The following HTR2C variants were observed in gnomAD, a reference collection of about 807,000 sequenced individuals.
HTR2C encodes 5-hydroxytryptamine (serotonin) receptor 2C, G protein-coupled.
HTR2C carries 5 observed loss-of-function variants against 21.0 expected under a neutral mutation model. The observed-to-expected ratio is 0.24, with a 90% CI of 0.12 to 0.50. HTR2C has a LOEUF of 0.50. Among genes scored for constraint, HTR2C ranks in the 20% least tolerant of loss-of-function variants. HTR2C has a pLI of 0.98. For synonymous variants in HTR2C, 150 were observed against 145.3 expected (o/e 1.03, Z -0.23); for missense variants, 271 against 371.2 (o/e 0.73, Z 2.22).
At chrX:114,641,882 C>T (rs1299481890) in intron 2 of HTR2C, among the ~76,000 whole-genome samples, 1 of 111,048 alleles carries the variant, frequency 9.0e-6, no homozygotes, top group East Asian at 2.8e-4. Flanking sequence ...TCTTGATGCT[C>T]TCCCTCCCCT....
At chrX:114,679,863 G>A (rs1329515889) in intron 2 of HTR2C, among the ~76,000 whole-genome samples, 8 of 111,776 alleles carry the variant, frequency 7.2e-5, no homozygotes, top group African/African-American at 2.6e-4. Context: ...AGGATATGAT[G>A]TCTTCTCCAA....
intron 4 of HTR2C, among the ~76,000 whole-genome samples, chrX:114,741,626 AAC>A (rs1491013133): frequency 9.9e-6 from 1 of 100,757 alleles, no homozygotes; most frequent in Non-Finnish European, 2.0e-5. Flanking sequence ...AAAAAAAAAA[AAC>A]CCACAGGAGC....
chrX:114,688,246 G>C (rs782286986), intron 2 of HTR2C, among the ~76,000 whole-genome samples: 1 of 106,415 alleles, frequency 9.4e-6, no homozygotes, highest in South Asian at 4.3e-4. Flanking sequence ...GCTTGAACCT[G>C]GGAGGCAGGG....
intron 4 of HTR2C, among the ~76,000 whole-genome samples, chrX:114,822,694 A>G (rs1459662085): frequency 1.8e-5 from 2 of 111,964 alleles, no homozygotes. Flanking sequence ...ACTATCTCAG[A>G]AGAGAAAATC....
intron 2 of HTR2C, among the ~76,000 whole-genome samples, chrX:114,649,814 C>A (rs1930490052): frequency 9.1e-6 from 1 of 110,485 alleles, no homozygotes. Flanking sequence ...GGGGTTTCAC[C>A]ATGTTGGCCA....
intron 4 of HTR2C, chrX:114,776,888 A>G (rs1392671067): frequency 6.6e-6 from 1 of 151,456 alleles, no homozygotes; most frequent in Non-Finnish European, 1.2e-5. Context: ...AATAGATGTA[A>G]TTTAAAATTT....
chrX:114,726,711 C>T (rs1933505254), intron 2 of HTR2C, 147 bp from the exon 3 acceptor site: 1 of 311,327 alleles, frequency 3.2e-6, no homozygotes, highest in East Asian at 5.6e-5. Flanking sequence ...TATTTTATCA[C>T]TTACACAGTA....
chrX:114,873,446 T>A (rs1556477114), intron 5 of HTR2C, among the ~76,000 whole-genome samples: 1 of 111,640 alleles, frequency 9.0e-6, no homozygotes, highest in East Asian at 2.8e-4. Flanking sequence ...TTATGGATTT[T>A]ATTTTAGAAA....
In HTR2C at chrX:114,906,659, C is replaced by T. The variant is rs868945621; in HGVS notation, c.621C>T (p.Cys207=). 9.9e-6 allele frequency: 12 copies of T among 1,208,680 alleles called. No homozygotes were observed. Among genetic ancestry groups the T allele is most frequent in the Admixed American group, 6.6e-5 (3 of 45,707 alleles). The change falls in exon 6 of 6, where the codon TGC becomes TGT. Residue 207 remains cysteine, a synonymous_variant. Coordinates refer to ENST00000276198, the MANE Select transcript of HTR2C (RefSeq NM_000868.4). Reference sequence around the variant, plus strand: ...AGGTGTTCGTGAACAACACGACGTGCGTGCTCAACGACCCAAATTTCGTTC... The same window carrying T: ...AGGTGTTCGTGAACAACACGACGTGTGTGCTCAACGACCCAAATTTCGTTC... ...EEKVFVNNTT[C]VLNDPNFVLI...
At chrX:114,806,591 A>G (rs1236650998) in intron 4 of HTR2C, among the ~76,000 whole-genome samples, 1 of 96,823 alleles carries the variant, frequency 1.0e-5, no homozygotes, top group Non-Finnish European at 2.0e-5. Context: ...TATATATCAT[A>G]TATATCATAT....
At chrX:114,720,270 G>C (rs782422037) in intron 2 of HTR2C, among the ~76,000 whole-genome samples, 10 of 111,195 alleles carry the variant, frequency 9.0e-5, no homozygotes, top group Admixed American at 2.9e-4. Context: ...GTAAGGGGAT[G>C]ATTTGGAGAT....
chrX:114,725,596 A>G (rs1436097039), intron 2 of HTR2C, among the ~76,000 whole-genome samples: 2 of 111,894 alleles, frequency 1.8e-5, no homozygotes, highest in East Asian at 2.8e-4. Flanking sequence ...GGCGCTCTGC[A>G]TTTTAGAGTT....
In HTR2C at chrX:114,817,741, A is replaced by G. The variant is rs1397249812; in HGVS notation, c.350-30262A>G. On this transcript the variant is annotated intron_variant, in intron 4 of 5. Transcript: ENST00000276198. ...CTCCTTCAGAGCCTCATTTCCAGAG[A>G]ATTTTCATTATTTGACTTGTCTGGT... 2.7e-5 allele frequency among the ~76,000 whole-genome samples: 3 copies of G among 111,071 alleles called. No individual in the cohort carries two copies. The East Asian group carries it at 8.5e-4, about 31-fold the overall frequency.
intron 4 of HTR2C, among the ~76,000 whole-genome samples, chrX:114,783,704 A>T (rs1556441092): frequency 8.9e-6 from 1 of 112,059 alleles, no homozygotes; most frequent in Non-Finnish European, 1.9e-5. Flanking sequence ...GAAAGTTTCA[A>T]TAAAATTAAT....
chrX:114,591,616 CG>C (rs1927637344), intron 1 of HTR2C, among the ~76,000 whole-genome samples: 1 of 111,562 alleles, frequency 9.0e-6, no homozygotes, highest in Non-Finnish European at 1.9e-5. Context: ...CTAAATTTCA[CG>C]TAAGTAAATC....
intron 2 of HTR2C, among the ~76,000 whole-genome samples, chrX:114,674,430 A>AT (rs1931483606): frequency 9.0e-6 from 1 of 111,166 alleles, no homozygotes; most frequent in Non-Finnish European, 1.9e-5. Context: ...TCAAGAATTT[A>AT]TTTTTTTTCT....
intron 4 of HTR2C, among the ~76,000 whole-genome samples, chrX:114,759,894 C>T (rs1311333539): frequency 9.0e-6 from 1 of 111,630 alleles, no homozygotes; most frequent in Non-Finnish European, 1.9e-5. Context: ...ACCACATTAC[C>T]ATCAACTCAG....
At chrX:114,613,959 T>C (rs1457901824) in intron 2 of HTR2C, 78 bp downstream of exon 2, 1 of 111,870 alleles carries the variant, frequency 8.9e-6, no homozygotes, top group Non-Finnish European at 1.9e-5. Flanking sequence ...TGATTCCTAT[T>C]ATTTTGCTAG....
intron 4 of HTR2C, among the ~76,000 whole-genome samples, chrX:114,841,461 G>A (rs2070832584): frequency 2.7e-5 from 3 of 112,133 alleles, no homozygotes; most frequent in African/African-American, 9.7e-5. Context: ...CTTACTTGCG[G>A]CTGGGCGCAG....
Sources: gnomAD v4.1 joint callset for allele counts (sites outside exome capture counted in the v4.1 genomes callset) on GRCh38, gnomAD v4.1.1 for gene constraint, MANE v1.5 for transcripts, NCBI Gene and HGNC (gene_info 2026-07-23, HGNC 2026-07-21) for gene names.